Variants in TTC28 observed in about 807,000 individuals in gnomAD.
The protein encoded by TTC28 is tetratricopeptide repeat protein 28.
A neutral mutation model predicts 198.0 loss-of-function variants in TTC28; 61 were observed. The observed-to-expected ratio is 0.31, with a 90% CI of 0.25 to 0.38. The LOEUF (loss-of-function observed/expected upper bound fraction) is 0.38. Ranked by LOEUF, TTC28 falls within the 10% of genes least tolerant of loss-of-function variation. The pLI is 1.00. For synonymous variants in TTC28, 1,171 were observed against 1,297.8 expected, an observed-to-expected ratio of 0.90 and a Z score of 2.10; for missense variants, 2,678 against 3,164.0, an observed-to-expected ratio of 0.85 and a Z score of 3.69.
chr22:28,214,507 T>C (rs552881537), intron 5 of TTC28, among the ~76,000 whole-genome samples: 1 of 152,334 alleles, frequency 6.6e-6, no homozygotes, highest in Admixed American at 6.5e-5. Flanking sequence ...AAGACATTTA[T>C]GCAGCCAACA....
chr22:28,049,556 C>T (rs1048695236), intron 12 of TTC28, among the ~76,000 whole-genome samples: 2 of 152,064 alleles, frequency 1.3e-5, no homozygotes, highest in African/African-American at 2.4e-5. Context: ...GAGGCTGGTC[C>T]GAAATCCATG....
In TTC28 at chr22:28,269,169, G is replaced by A. The variant is rs1409483350; in HGVS notation, c.933+27029C>T. ...CCTCATTTCCCTGCTATTTTTAAAC[G>A]TGGGGCTGTAACAGGAGGTGTCTAG... is the stretch of plus-strand genomic sequence containing the variant. On this transcript the variant is annotated intron_variant, in intron 5 of 22. Coordinates refer to ENST00000397906, the MANE Select transcript of TTC28 (RefSeq NM_001145418.2). 5.3e-5 allele frequency among the ~76,000 whole-genome samples: 8 copies of A among 151,788 alleles called. No individual in the cohort carries two copies. The East Asian group carries it at 7.8e-4, about 15-fold the overall frequency.
chr22:28,550,729 G>T (rs565195561), intron 2 of TTC28, among the ~76,000 whole-genome samples: 4 of 152,020 alleles, frequency 2.6e-5, no homozygotes, highest in Non-Finnish European at 5.9e-5. Context: ...CAAAACATTT[G>T]ATTAGTCTTG....
chr22:28,508,457 G>T (rs947021928), intron 2 of TTC28, among the ~76,000 whole-genome samples: 1 of 151,960 alleles, frequency 6.6e-6, no homozygotes, highest in Admixed American at 6.5e-5. Flanking sequence ...CTAATTTTTT[G>T]TATTTTTAGT....
intron 2 of TTC28, among the ~76,000 whole-genome samples, chr22:28,475,398 G>A (rs2048150618): frequency 6.6e-6 from 1 of 151,966 alleles, no homozygotes; most frequent in Non-Finnish European, 1.5e-5. Context: ...CACATCTCTG[G>A]AAATGGAAGG....
chr22:28,491,526 C>T (rs151291430), intron 2 of TTC28, among the ~76,000 whole-genome samples: 2,946 of 152,250 alleles, frequency 0.019, 29 homozygotes, highest in Non-Finnish European at 0.026. Flanking sequence ...TCATCACTGG[C>T]CATCAAAGAA....
intron 13 of TTC28, among the ~76,000 whole-genome samples, chr22:28,025,337 C>G (rs1198073585): frequency 6.6e-6 from 1 of 152,166 alleles, no homozygotes; most frequent in African/African-American, 2.4e-5. Flanking sequence ...AGTAACTACT[C>G]CATCGGTAAG....
chr22:28,018,705 T>C (rs893262016), intron 13 of TTC28, among the ~76,000 whole-genome samples: 1 of 151,582 alleles, frequency 6.6e-6, no homozygotes. Flanking sequence ...GGAATGGGAG[T>C]CAGGGGTCAG....
At chr22:28,577,261 C>T (rs1026289172) in intron 2 of TTC28, among the ~76,000 whole-genome samples, 1 of 152,002 alleles carries the variant, frequency 6.6e-6, no homozygotes, top group Non-Finnish European at 1.5e-5. Flanking sequence ...TATTTAATTT[C>T]CATGTATTTC....
At chr22:28,495,310 T>G (rs1336415398) in intron 2 of TTC28, among the ~76,000 whole-genome samples, 1 of 152,120 alleles carries the variant, frequency 6.6e-6, no homozygotes. Context: ...CAAAAAAGAT[T>G]CTATAAGCTT....
rs368393046 is a variant in TTC28 at position 28,208,788 on chromosome 22, C to T, written c.934-45189G>A. Among the ~76,000 whole-genome samples the T allele has an allele frequency of 2.0e-4, 30 of 152,264 alleles. No homozygotes were observed. In the South Asian group the frequency reaches 6.0e-3, roughly 31 times the overall value. ...GAAAAGTTGTGGTCAACACCTGGAACTGACTCCGAGAAATGATAGATCTGA... is the reference window on the plus strand; with the variant it reads ...GAAAAGTTGTGGTCAACACCTGGAATTGACTCCGAGAAATGATAGATCTGA... On this transcript the variant is annotated intron_variant, in intron 5 of 22. Transcript: ENST00000397906.
At chr22:28,650,874 G>A (rs2051552936) in intron 1 of TTC28, among the ~76,000 whole-genome samples, 1 of 152,132 alleles carries the variant, frequency 6.6e-6, no homozygotes, top group Non-Finnish European at 1.5e-5. Context: ...TTAAAACTTA[G>A]GTCTTAGAAT....
Position 28,069,586 on chromosome 22 carries a change from A to T in TTC28, c.3932+24494T>A, listed in dbSNP as rs1278818167. Among the ~76,000 whole-genome samples the T allele has an allele frequency of 2.0e-5, 3 of 152,308 alleles. No individual in the cohort carries two copies. In the East Asian group the frequency reaches 5.8e-4, roughly 29 times the overall value. On this transcript the variant is annotated intron_variant, in intron 12 of 22. Coordinates refer to ENST00000397906, the MANE Select transcript of TTC28 (RefSeq NM_001145418.2). ...TAGCATAAGATAAAATAAAAATTGT[A>T]TCTATCTACTGAGAAATTCTGTCTG...
intron 2 of TTC28, among the ~76,000 whole-genome samples, chr22:28,427,137 CAA>C (rs1376912595): frequency 2.6e-5 from 4 of 152,266 alleles, no homozygotes; most frequent in Admixed American, 2.6e-4. Context: ...TGCCACTTAA[CAA>C]TATTGTCATG....
chr22:28,297,198 CT>C (rs918099555), intron 4 of TTC28, among the ~76,000 whole-genome samples: 5 of 151,004 alleles, frequency 3.3e-5, no homozygotes, highest in African/African-American at 7.3e-5. Context: ...GAGGCACTCG[CT>C]TTTTTTTTCT....
At chr22:28,132,562 G>A (rs1055472695) in intron 6 of TTC28, among the ~76,000 whole-genome samples, 3 of 152,110 alleles carry the variant, frequency 2.0e-5, no homozygotes, top group Non-Finnish European at 2.9e-5. Context: ...ACCCTTTCCA[G>A]TTCCAACATT....
In TTC28 at chr22:28,480,652, C is replaced by G. The variant is rs140467220; in HGVS notation, c.381+148900G>C. The stretch of plus-strand genomic sequence containing the variant: ...AAGAACCAAGTCAAAAGCTGAGGTT[C>G]CAGAAGCTCAAGGAGGAAAGGGCAT... On this transcript the variant is annotated intron_variant, in intron 2 of 22. Transcript: ENST00000397906. Among the ~76,000 whole-genome samples, 31 of 152,122 alleles carry G rather than the reference C, an allele frequency of 2.0e-4. 1 individual carries two copies. In the East Asian group the frequency reaches 6.0e-3, roughly 29 times the overall value.
At chr22:28,295,801 A>G (rs959909367) in intron 5 of TTC28, among the ~76,000 whole-genome samples, 1 of 152,200 alleles carries the variant, frequency 6.6e-6, no homozygotes, top group Non-Finnish European at 1.5e-5. Context: ...AATCCACCAA[A>G]GCAACAATGT....
chr22:28,272,753 A>C (rs1414107388), intron 5 of TTC28, among the ~76,000 whole-genome samples: 1 of 152,208 alleles, frequency 6.6e-6, no homozygotes, highest in Non-Finnish European at 1.5e-5. Flanking sequence ...ACAGAAACTT[A>C]GCAGAGCTTT....
Sources: gnomAD v4.1 joint callset for allele counts (sites outside exome capture counted in the v4.1 genomes callset) on GRCh38, gnomAD v4.1.1 for gene constraint, MANE v1.5 for transcripts, NCBI Gene and HGNC (gene_info 2026-07-23, HGNC 2026-07-21) for gene names.